SPDYE5: variants seen among roughly 807,000 people sequenced by gnomAD.
The protein encoded by SPDYE5 is speedy protein E5.
Under a neutral mutation model 48.5 loss-of-function variants are expected in SPDYE5, and 15 were observed. The observed-to-expected ratio is 0.31, with a 90% CI of 0.21 to 0.48. SPDYE5 has a LOEUF of 0.48. Among genes scored for constraint, SPDYE5 ranks in the 20% least tolerant of loss-of-function variants. The pLI, the probability that SPDYE5 is intolerant of heterozygous loss-of-function variation, is 0.99. For synonymous variants in SPDYE5, 116 were observed against 200.7 expected (o/e 0.58, Z 3.57); for missense variants, 331 against 549.1 (o/e 0.60, Z 3.97).
At chr7:75,492,286 T>C (rs781807272), upstream of SPDYE5, among the ~76,000 whole-genome samples, 39 of 152,162 alleles carry the variant, frequency 2.6e-4, no homozygotes, top group Non-Finnish European at 5.1e-4. Flanking sequence ...GCATCATGAA[T>C]GCGAATTTGA....
At chr7:75,502,775 A>ACCT (rs1793201535) in intron 8 of SPDYE5, 58 bp from the exon 9 acceptor site, 1 of 1,008,538 alleles carries the variant, frequency 9.9e-7, no homozygotes, top group Middle Eastern at 4.4e-4. Flanking sequence ...GACGTGAATA[A>ACCT]CCTTCCTGTC....
rs1166676926 is a variant in SPDYE5, at chr7:75,501,544, G to A, written c.938G>A (p.Arg313Gln). ...RSRIPLLRKR[R>Q]FQLGRSMNPR... is the part of the protein sequence containing the mutation. ...CGCATACCCTTGCTCCGTAAGCGTC[G>A]GTTCCAGTTAGGCCGTTCCATGAAC... Residue 313 changes from arginine (R) to glutamine (Q), a missense_variant, in exon 7 of 9, where the codon CGG becomes CAG. By Grantham distance (43) the Arg-to-Gln change is conservative (BLOSUM62 1). This residue lies in a region of SPDYE5 where 70 missense variants were observed against 87.6 expected (regional missense o/e 0.80). Transcript: ENST00000625065. 2.5e-6 allele frequency: 4 copies of A among 1,597,074 alleles called. No individual in the cohort carries two copies. The highest frequency in any genetic ancestry group is 2.3e-5 in the East Asian group (1 of 43,634).
At position 75,501,968 on chromosome 7, in the gene SPDYE5, T is replaced by A. The variant is rs1793176692; in HGVS notation, c.*31T>A. On this transcript the variant is annotated 3_prime_UTR_variant, in exon 8 of 9. Transcript: ENST00000625065. ...CAGGGACCGTGGAGGCCTGAGGTCA[T>A]CGGCCTGAGAGAAGGTACATCTGCA... The A allele has an allele frequency of 1.3e-6, 2 of 1,588,100 alleles. No individual in the cohort carries two copies. Among genetic ancestry groups the A allele is most frequent in the East Asian group, 4.5e-5 (2 of 44,802 alleles).
At position 75,502,305 on chromosome 7, in the gene SPDYE5, T is replaced by C. The variant is rs587701388; in HGVS notation, c.*45+323T>C. ...CTGAGTTGGGGGAGGTTCATTATGA[T>C]TGATGCACTTGAGTTACCGATTTGG... On this transcript the variant is annotated intron_variant, in intron 8 of 8. Coordinates refer to ENST00000625065, the MANE Select transcript of SPDYE5 (RefSeq NM_001306141.4). 1.9e-3 allele frequency among the ~76,000 whole-genome samples: 288 copies of C among 149,398 alleles called. 1 individual carries two copies. Among genetic ancestry groups the C allele is most frequent in the African/African-American group, 6.8e-3 (272 of 40,220 alleles).
chr7:75,491,830 G>A (rs879959061), upstream of SPDYE5, among the ~76,000 whole-genome samples: 1 of 148,742 alleles, frequency 6.7e-6, no homozygotes. Flanking sequence ...CTCCTGCCTC[G>A]GCCTCCTAAG....
rs201890310 is a variant in SPDYE5 at position 75,501,456 on chromosome 7, C to G, written c.850C>G (p.Leu284Val). 695 of 1,609,366 alleles carry G rather than the reference C, an allele frequency of 4.3e-4. 3 individuals carry two copies. The African/African-American group carries it at 7.7e-3, about 18-fold the overall frequency. Residue 284 changes from leucine to valine, a missense_variant, in exon 7 of 9, where the codon CTC (leucine) becomes GTC (valine). Leu to Val is a conservative substitution (Grantham distance 32). Coordinates refer to ENST00000625065, the MANE Select transcript of SPDYE5 (RefSeq NM_001306141.4). ...YGKNRSRIPL[L>V]RKRWFQLGRS... ...GAAGAACCGCTCTCGCATACCCTTG[C>G]TCCGTAAGCGTTGGTTCCAGTTAGG...
At chr7:75,492,082 C>T (rs1554481820), upstream of SPDYE5, among the ~76,000 whole-genome samples, 2 of 151,974 alleles carry the variant, frequency 1.3e-5, no homozygotes, top group African/African-American at 2.4e-5. Context: ...TGTGTCTAGA[C>T]AAGGTGGCCG....
At chr7:75,496,405 A>AAC in intron 3 of SPDYE5, among the ~76,000 whole-genome samples, 1 of 31,114 alleles carries the variant, frequency 3.2e-5, no homozygotes, top group Non-Finnish European at 7.8e-5. Flanking sequence ...CAACAACAAC[A>AAC]AAAAAAAAAA....
chr7:75,495,477 G>T, intron 3 of SPDYE5, 103 bp downstream of exon 3: 1 of 1,553,712 alleles, frequency 6.4e-7, no homozygotes, highest in Non-Finnish European at 8.6e-7. Flanking sequence ...CCCCCCGTGG[G>T]TGAGCTCTCC....
At chr7:75,492,862 C>A (rs782643973) in intron 1 of SPDYE5, among the ~76,000 whole-genome samples, 14 of 152,194 alleles carry the variant, frequency 9.2e-5, no homozygotes, top group Non-Finnish European at 1.6e-4. Context: ...GTGGCAAGAT[C>A]ATGGCTCACT....
Position 75,503,936 on chromosome 7 carries a change from G to C in SPDYE5, c.*1149G>C, listed in dbSNP as rs1272214801. ...GTTATATACACATACGTATAATTTTGCTTTCCTTTTTAAGAGAGGATTCTT... is the reference window on the plus strand; with the variant it reads ...GTTATATACACATACGTATAATTTTCCTTTCCTTTTTAAGAGAGGATTCTT... On this transcript the variant is annotated 3_prime_UTR_variant, in exon 9 of 9. Transcript: ENST00000625065. 6.6e-6 allele frequency: 1 copy of C among 151,640 alleles called. No homozygotes were observed. The highest frequency in any genetic ancestry group is 1.5e-5 in the Non-Finnish European group (1 of 67,922). 9.4% of individuals were successfully genotyped at this position (151,640 alleles called of 1,614,324 possible).
rs1295936780 is a variant in SPDYE5, at chr7:75,503,551, T to A, written c.*764T>A. On this transcript the variant is annotated 3_prime_UTR_variant, in exon 9 of 9. Transcript: ENST00000625065. Reference sequence around the variant, plus strand: ...ACTCTTTTTATCTATGATACTTCCATAATAATCTCTTCTATTTATAGCTAT... The same window carrying A: ...ACTCTTTTTATCTATGATACTTCCAAAATAATCTCTTCTATTTATAGCTAT... The A allele has an allele frequency of 2.0e-5, 3 of 151,950 alleles. No individual in the cohort carries two copies. The highest frequency in any genetic ancestry group is 7.2e-5 in the African/African-American group (3 of 41,526). 9.4% of individuals were successfully genotyped at this position (151,950 alleles called of 1,614,324 possible).
rs587700186 is a variant in SPDYE5 at position 75,501,272 on chromosome 7, G to A, written c.756-90G>A. On this transcript the variant is annotated intron_variant, in intron 6 of 8. Transcript: ENST00000625065. ...TGGGTGCCAGTCCTGAGCTAGGGACGGTCCCTTACCTTCCTCTCTGGGAAG... is the reference window on the plus strand; with the variant it reads ...TGGGTGCCAGTCCTGAGCTAGGGACAGTCCCTTACCTTCCTCTCTGGGAAG... The A allele has an allele frequency of 8.4e-4, 1,341 of 1,590,592 alleles. 15 individuals are homozygous for A. The South Asian group carries it at 0.014, about 17-fold the overall frequency.
In SPDYE5 at chr7:75,501,352, C is replaced by G; in HGVS notation, c.756-10C>G. 2 of 1,612,184 alleles carry G rather than the reference C, an allele frequency of 1.2e-6. No homozygotes were observed. Among genetic ancestry groups the G allele is most frequent in the South Asian group, 2.2e-5 (2 of 90,982 alleles). ...GTGCCCCTGAGCAGCAACCTGATTT[C>G]TGTCCTCAGCTACCTGGCCAATGAC... is the stretch of plus-strand genomic sequence containing the variant. On this transcript the variant is annotated splice_polypyrimidine_tract_variant and intron_variant, in intron 6 of 8. Coordinates refer to ENST00000625065, the MANE Select transcript of SPDYE5 (RefSeq NM_001306141.4).
chr7:75,492,836 C>T (rs1554481928), intron 1 of SPDYE5, among the ~76,000 whole-genome samples: 1 of 152,098 alleles, frequency 6.6e-6, no homozygotes, highest in African/African-American at 2.4e-5. Context: ...TGCTGTGTTG[C>T]CCAGACGGGA....
intron 4 of SPDYE5, among the ~76,000 whole-genome samples, chr7:75,497,577 A>G (rs3960578): frequency 1.4e-5 from 2 of 146,278 alleles, no homozygotes; most frequent in Non-Finnish European, 3.0e-5. Context: ...ATCCATAGTG[A>G]GGGATACCAA....
At position 75,501,759 on chromosome 7, in the gene SPDYE5, G is replaced by C. The variant is rs782372752; in HGVS notation, c.1149+4G>C. On this transcript the variant is annotated splice_donor_region_variant and intron_variant, in intron 7 of 8. Transcript: ENST00000625065. The stretch of plus-strand genomic sequence containing the variant: ...TTCCCCGGAGGAGTTGGAGGAGGTA[G>C]GTGGGGCCTGGGGAGGTGGAGGAGG... 3 of 1,610,624 alleles carry C rather than the reference G, an allele frequency of 1.9e-6. No individual in the cohort carries two copies. Among genetic ancestry groups the C allele is most frequent in the Non-Finnish European group, 2.5e-6 (3 of 1,180,038 alleles).
At chr7:75,496,008 G>A (rs1357159585) in intron 3 of SPDYE5, among the ~76,000 whole-genome samples, 1 of 142,314 alleles carries the variant, frequency 7.0e-6, no homozygotes, top group African/African-American at 2.7e-5. Context: ...TTTTTGAGAC[G>A]CTGTGTCAAA....
Position 75,502,968 on chromosome 7 carries a change from A to C in SPDYE5, c.*181A>C. 1 of 599,248 alleles carries C rather than the reference A, an allele frequency of 1.7e-6. No homozygotes were observed. The highest frequency in any genetic ancestry group is 1.4e-5 in the South Asian group (1 of 70,824). 37.1% of individuals were successfully genotyped at this position (599,248 alleles called of 1,614,324 possible). On this transcript the variant is annotated 3_prime_UTR_variant, in exon 9 of 9. Coordinates refer to ENST00000625065, the MANE Select transcript of SPDYE5 (RefSeq NM_001306141.4). ...CCTGGACCATTCTTGATGGAGCTGAATACAGTGATCACGTTGTCCTCCTAG... is the reference window on the plus strand; with the variant it reads ...CCTGGACCATTCTTGATGGAGCTGACTACAGTGATCACGTTGTCCTCCTAG...
Sources: gnomAD v4.1 joint callset for allele counts (sites outside exome capture counted in the v4.1 genomes callset) on GRCh38, gnomAD v4.1.1 for gene constraint, gnomAD v4.1.1 regional missense constraint, MANE v1.5 for transcripts, NCBI Gene and HGNC (gene_info 2026-07-23, HGNC 2026-07-21) for gene names.